Variants in WNT16 observed in about 807,000 individuals in gnomAD.
WNT16 encodes protein Wnt-16.
A neutral mutation model predicts 35.4 loss-of-function variants in WNT16; 20 were observed. That is an observed-to-expected ratio of 0.56 (90% CI 0.40 to 0.82). The LOEUF is 0.82. Among genes scored for constraint, WNT16 ranks in the 40% least tolerant of loss-of-function variants. The pLI is 0.00. For synonymous variants in WNT16, 180 were observed against 179.2 expected, an observed-to-expected ratio of 1.00 and a Z score of -0.03; for missense variants, 461 against 466.0, an observed-to-expected ratio of 0.99 and a Z score of 0.10.
chr7:121,334,210 A>AT (rs1292326915), intron 3 of WNT16, among the ~76,000 whole-genome samples: 2 of 151,804 alleles, frequency 1.3e-5, no homozygotes, highest in African/African-American at 2.4e-5. Flanking sequence ...CTCCTGAATC[A>AT]TTTTTTTCAC....
chr7:121,325,955 G>T (rs537721844), upstream of WNT16, among the ~76,000 whole-genome samples: 7 of 147,342 alleles, frequency 4.8e-5, no homozygotes, highest in South Asian at 1.3e-3. Flanking sequence ...GGTGAGGATC[G>T]CTTGTGCCTG....
chr7:121,325,410 G>T, upstream of WNT16: 1 of 1,612,166 alleles, frequency 6.2e-7, no homozygotes, highest in Non-Finnish European at 8.5e-7. Context: ...AGATGGAAAG[G>T]CACCCATGCA....
chr7:121,338,824 G>A (rs377052452), intron 3 of WNT16, 57 bp from the exon 4 acceptor site: 4 of 1,449,294 alleles, frequency 2.8e-6, no homozygotes, highest in Non-Finnish European at 2.8e-6. Context: ...CTGTGCTTCT[G>A]TTGTTGAGTA....
intron 2 of WNT16, among the ~76,000 whole-genome samples, chr7:121,330,789 A>G (rs1297164358): frequency 6.6e-6 from 1 of 151,814 alleles, no homozygotes; most frequent in African/African-American, 2.4e-5. Flanking sequence ...GAAATGCATC[A>G]GCTGTTGAAA....
chr7:121,338,765 A>G, intron 3 of WNT16, 116 bp from the exon 4 acceptor site: 1 of 883,526 alleles, frequency 1.1e-6, no homozygotes, highest in Non-Finnish European at 1.7e-6. Context: ...CAAAACCATC[A>G]TTTTTATTCA....
upstream of WNT16, among the ~76,000 whole-genome samples, chr7:121,326,740 G>T (rs1261582934): frequency 6.6e-6 from 1 of 152,128 alleles, no homozygotes; most frequent in Non-Finnish European, 1.5e-5. Flanking sequence ...TTGAGTAAGT[G>T]CTATCCCCAC....
upstream of WNT16, among the ~76,000 whole-genome samples, chr7:121,326,038 CAAAAAAA>C (rs386411143): frequency 0.022 from 514 of 23,080 alleles, 5 homozygotes; most frequent in African/African-American, 0.063. Flanking sequence ...TACCTCATCT[CAAAAAAA>C]AAAAAAAAAA....
intron 3 of WNT16, among the ~76,000 whole-genome samples, chr7:121,338,494 C>T (rs556669303): frequency 8.5e-5 from 13 of 152,230 alleles, no homozygotes; most frequent in Non-Finnish European, 1.3e-4. Flanking sequence ...TTCTGAGTAA[C>T]GAGGTGTTGA....
In WNT16 at chr7:121,329,735, G is replaced by A; in HGVS notation, c.264G>A (p.Glu88=). The A allele has an allele frequency of 6.2e-7, 1 of 1,611,992 alleles. No homozygotes were observed. ...AGTGCGGGAGCCAGTTCAGACACGA[G>A]AGATGGAACTGCATGATCACCGCCG... ...IQECGSQFRH[E]RWNCMITAAA... Residue 88 remains glutamate (E), a synonymous_variant, in exon 2 of 4, where the codon GAG becomes GAA. Transcript: ENST00000222462.
At chr7:121,328,967 A>G, upstream of WNT16, 1 of 1,035,474 alleles carries the variant, frequency 9.7e-7, no homozygotes. Flanking sequence ...AGATGGGAGG[A>G]GAGGCCGGGG....
Position 121,339,396 on chromosome 7 carries a change from G to T in WNT16, c.*51G>T, listed in dbSNP as rs576902188. The T allele has an allele frequency of 2.6e-6, 4 of 1,533,232 alleles. No homozygotes were observed. Among genetic ancestry groups the T allele is most frequent in the South Asian group, 1.2e-5 (1 of 83,868 alleles). The allele number at this position is 1,533,232 out of a possible 1,614,324, so 95.0% of individuals were successfully genotyped here. A position where few individuals can be genotyped will look rare whatever the true frequency, so the allele number is the denominator to read the frequency against. ...TGCCTCAGCAATATACAATGGCATT[G>T]CAACCAGAGAGGTGCCCATCCCTGT... On this transcript the variant is annotated 3_prime_UTR_variant, in exon 4 of 4. Coordinates refer to ENST00000222462, the MANE Select transcript of WNT16 (RefSeq NM_057168.2).
intron 2 of WNT16, 64 bp from the exon 3 acceptor site, chr7:121,331,614 C>T: frequency 6.7e-7 from 1 of 1,494,858 alleles, no homozygotes; most frequent in South Asian, 1.2e-5. Context: ...GAGTAGGAGG[C>T]TTTCTTCTGA....
chr7:121,335,106 G>A (rs1325275184), intron 3 of WNT16, among the ~76,000 whole-genome samples: 3 of 152,072 alleles, frequency 2.0e-5, no homozygotes, highest in Non-Finnish European at 4.4e-5. Flanking sequence ...CCAACCTCGT[G>A]TCGCAGTTTT....
At position 121,336,070 on chromosome 7, in the gene WNT16, G is replaced by T. The variant is rs536621821; in HGVS notation, c.634-2811G>T. 3.7e-4 allele frequency among the ~76,000 whole-genome samples: 55 copies of T among 150,540 alleles called. No individual in the cohort carries two copies. In the Middle Eastern group the frequency reaches 0.014, roughly 37 times the overall value. On this transcript the variant is annotated intron_variant, in intron 3 of 3. Transcript: ENST00000222462. ...TTTTGCATTTCATCAGTCCTGAGTG[G>T]TGATTACACTGCTTTATTCTAATTC...
At chr7:121,332,915 T>C (rs953784909) in intron 3 of WNT16, among the ~76,000 whole-genome samples, 5 of 152,098 alleles carry the variant, frequency 3.3e-5, no homozygotes, top group Non-Finnish European at 7.4e-5. Context: ...TTCTTGTAGC[T>C]AAATTTGACT....
rs114490842 is a variant in WNT16, at chr7:121,339,909, A to G, written c.*564A>G. The G allele has an allele frequency of 4.5e-3, 700 of 156,020 alleles. 8 individuals are homozygous for G. The highest frequency in any genetic ancestry group is 0.016 in the African/African-American group (649 of 41,728). The allele number at this position is 156,020 out of a possible 1,614,324, so 9.7% of individuals were successfully genotyped here. On this transcript the variant is annotated 3_prime_UTR_variant, in exon 4 of 4. Coordinates refer to ENST00000222462, the MANE Select transcript of WNT16 (RefSeq NM_057168.2). Reference sequence around the variant, plus strand: ...TGACTTACCCTTTCATGTACTTCCAAAGAAAGGTAATCAAAAAGAATCTTC... The same window carrying G: ...TGACTTACCCTTTCATGTACTTCCAGAGAAAGGTAATCAAAAAGAATCTTC...
intron 3 of WNT16, among the ~76,000 whole-genome samples, chr7:121,332,569 G>A (rs1010594088): frequency 3.3e-5 from 5 of 151,832 alleles, no homozygotes; most frequent in African/African-American, 4.8e-5. Flanking sequence ...TTTTTAAATC[G>A]ACTTTTTAGT....
chr7:121,330,535 G>A (rs887492755), intron 2 of WNT16, among the ~76,000 whole-genome samples: 3 of 152,152 alleles, frequency 2.0e-5, no homozygotes, highest in African/African-American at 7.2e-5. Flanking sequence ...CAGATCCAAA[G>A]AATGTTAGGA....
Position 121,339,628 on chromosome 7 carries a change from C to A in WNT16, c.*283C>A, listed in dbSNP as rs1406679036. 2.2e-6 allele frequency: 1 copy of A among 460,086 alleles called. No individual in the cohort carries two copies. The highest frequency in any genetic ancestry group is 3.8e-6 in the Non-Finnish European group (1 of 261,258). The allele number at this position is 460,086 out of a possible 1,614,324, so 28.5% of individuals were successfully genotyped here. A position where few individuals can be genotyped will look rare whatever the true frequency, so the allele number is the denominator to read the frequency against. ...ACATACAAGGAAGATAATCTGTTTCCTAAGCAAGAAATAACAGGAAAGATC... is the reference window on the plus strand; with the variant it reads ...ACATACAAGGAAGATAATCTGTTTCATAAGCAAGAAATAACAGGAAAGATC... On this transcript the variant is annotated 3_prime_UTR_variant, in exon 4 of 4. Coordinates refer to ENST00000222462, the MANE Select transcript of WNT16 (RefSeq NM_057168.2).
Sources: allele counts gnomAD v4.1 joint callset (sites outside exome capture counted in the v4.1 genomes callset), GRCh38; gene constraint gnomAD v4.1.1; transcripts MANE v1.5; gene names NCBI Gene and HGNC (gene_info 2026-07-23, HGNC 2026-07-21).